DCUN1D4: variants seen among roughly 807,000 people sequenced by gnomAD.
DCUN1D4 encodes DCN1-like protein 4.
Under a neutral mutation model 47.9 loss-of-function variants are expected in DCUN1D4, and 22 were observed. The observed-to-expected ratio is 0.46, with a 90% CI of 0.33 to 0.66. DCUN1D4 has a LOEUF of 0.66. Among genes scored for constraint, DCUN1D4 ranks in the 30% least tolerant of loss-of-function variants. The pLI, the probability that DCUN1D4 is intolerant of heterozygous loss-of-function variation, is 0.02. For missense variants in DCUN1D4, 301 were observed against 340.8 expected, an observed-to-expected ratio of 0.88 and a Z score of 0.92; for synonymous variants, 121 against 112.2, an observed-to-expected ratio of 1.08 and a Z score of -0.50.
intron 7 of DCUN1D4, among the ~76,000 whole-genome samples, chr4:51,893,323 G>T (rs1308927260): frequency 6.6e-6 from 1 of 152,102 alleles, no homozygotes; most frequent in African/African-American, 2.4e-5. Context: ...TAAAACTTGT[G>T]TATCCTTTTG....
At chr4:51,905,075 G>C (rs1732673184) in intron 8 of DCUN1D4, 1 of 377,154 alleles carries the variant, frequency 2.7e-6, no homozygotes, top group African/African-American at 2.1e-5. Flanking sequence ...AGCCCCAAGG[G>C]GCTGATCATT....
intron 6 of DCUN1D4, among the ~76,000 whole-genome samples, chr4:51,890,066 C>T (rs1730175532): frequency 7.5e-6 from 1 of 134,056 alleles, no homozygotes; most frequent in Admixed American, 7.0e-5. Context: ...AAGTCAGCAT[C>T]AAGCGAAAGC....
intron 8 of DCUN1D4, among the ~76,000 whole-genome samples, chr4:51,910,116 T>TA (rs898637733): frequency 4.6e-5 from 7 of 152,150 alleles, no homozygotes; most frequent in African/African-American, 1.7e-4. Flanking sequence ...TCTCCCTTTG[T>TA]AAAAAACTAC....
chr4:51,860,731 C>T, intron 1 of DCUN1D4: 1 of 433,954 alleles, frequency 2.3e-6, no homozygotes, highest in Non-Finnish European at 4.6e-6. Flanking sequence ...GTCTCAAAGA[C>T]AGCACTAAGC....
intron 5 of DCUN1D4, among the ~76,000 whole-genome samples, chr4:51,882,205 T>C (rs1221380734): frequency 6.6e-6 from 1 of 152,148 alleles, no homozygotes; most frequent in Non-Finnish European, 1.5e-5. Context: ...AGAAAAAGCA[T>C]TAATAACTTA....
chr4:51,891,191 T>C (rs1398267290), intron 6 of DCUN1D4, among the ~76,000 whole-genome samples: 3 of 152,284 alleles, frequency 2.0e-5, no homozygotes, highest in African/African-American at 4.8e-5. Context: ...TACACCTTGC[T>C]GTTTCACTTA....
chr4:51,867,329 C>T (rs1386978925), intron 3 of DCUN1D4, among the ~76,000 whole-genome samples: 1 of 152,242 alleles, frequency 6.6e-6, no homozygotes, highest in African/African-American at 2.4e-5. Flanking sequence ...GCTCTTCTCT[C>T]TTCACCGCCC....
intron 4 of DCUN1D4, among the ~76,000 whole-genome samples, chr4:51,876,308 A>G (rs1470726533): frequency 1.3e-5 from 2 of 152,204 alleles, no homozygotes; most frequent in East Asian, 1.9e-4. Flanking sequence ...TCAGCAAACT[A>G]TCGCAAGGAC....
intron 4 of DCUN1D4, among the ~76,000 whole-genome samples, chr4:51,875,796 T>A (rs1218922578): frequency 6.6e-6 from 1 of 152,240 alleles, no homozygotes; most frequent in Admixed American, 6.5e-5. Context: ...AGCATATCAT[T>A]CTTTTTATTT....
At position 51,889,242 on chromosome 4, in the gene DCUN1D4, A is replaced by G. The variant is rs531691882; in HGVS notation, c.415-2518A>G. On this transcript the variant is annotated intron_variant, in intron 6 of 10. Coordinates refer to ENST00000334635, the MANE Select transcript of DCUN1D4 (RefSeq NM_001040402.3). ...TGTGCTAAATAAACTCTGATGTGCT[A>G]TATCAATTGTGGGTGCATTCCCATT... Among the ~76,000 whole-genome samples, 39 of 152,350 alleles carry G rather than the reference A, an allele frequency of 2.6e-4. 1 individual carries two copies. The South Asian group carries it at 7.7e-3, about 30-fold the overall frequency.
At chr4:51,905,230 A>T (rs2110118248) in intron 8 of DCUN1D4, 5 of 455,382 alleles carry the variant, frequency 1.1e-5, no homozygotes, top group South Asian at 7.8e-5. Flanking sequence ...CTCAGAAGTC[A>T]TCTGGTCCAG....
intron 2 of DCUN1D4, 68 bp downstream of exon 2, chr4:51,863,575 A>T (rs1267754860): frequency 6.3e-7 from 1 of 1,578,502 alleles, no homozygotes; most frequent in African/African-American, 1.4e-5. Context: ...AGTGTATTTG[A>T]TAAAAATTTA....
At chr4:51,836,237 G>T in the DCUN1D4 span, among the ~76,000 whole-genome samples, 1 of 152,266 alleles carries the variant, frequency 6.6e-6, no homozygotes, top group East Asian at 1.9e-4. Flanking sequence ...TGGGTTGCAG[G>T]CCTTTGATAA....
intron 5 of DCUN1D4, among the ~76,000 whole-genome samples, chr4:51,883,738 A>G (rs1218240402): frequency 6.6e-6 from 1 of 152,224 alleles, no homozygotes; most frequent in African/African-American, 2.4e-5. Context: ...ATAAATATGT[A>G]TATATTCCAT....
chr4:51,852,272 T>C (rs781530865), intron 1 of DCUN1D4, among the ~76,000 whole-genome samples: 3 of 152,232 alleles, frequency 2.0e-5, no homozygotes, highest in African/African-American at 4.8e-5. Context: ...TCTTAACTAA[T>C]GAAATAGTCA....
At chr4:51,838,638 CT>C (rs1721555227), upstream of DCUN1D4, among the ~76,000 whole-genome samples, 1 of 152,174 alleles carries the variant, frequency 6.6e-6, no homozygotes, top group African/African-American at 2.4e-5. Flanking sequence ...CCACCTCAGC[CT>C]CCGAAAGTGC....
intron 3 of DCUN1D4, among the ~76,000 whole-genome samples, chr4:51,872,153 C>T (rs963624240): frequency 6.6e-6 from 1 of 152,156 alleles, no homozygotes; most frequent in Non-Finnish European, 1.5e-5. Context: ...CTGGGAAGGA[C>T]CCTCATCTGG....
At chr4:51,897,838 A>G (rs1731501389) in intron 7 of DCUN1D4, among the ~76,000 whole-genome samples, 1 of 152,382 alleles carries the variant, frequency 6.6e-6, no homozygotes, top group Middle Eastern at 3.4e-3. Context: ...AATCAAAAAG[A>G]GTAATGACAG....
At chr4:51,840,896 C>G (rs1222106268), upstream of DCUN1D4, among the ~76,000 whole-genome samples, 6 of 152,178 alleles carry the variant, frequency 3.9e-5, no homozygotes, top group Admixed American at 3.9e-4. Context: ...TTATAAAGAT[C>G]TGGGTAAATT....
Sources: gnomAD v4.1 joint callset for allele counts (sites outside exome capture counted in the v4.1 genomes callset) on GRCh38, gnomAD v4.1.1 for gene constraint, MANE v1.5 for transcripts, NCBI Gene and HGNC (gene_info 2026-07-23, HGNC 2026-07-21) for gene names.